The following NEGR1 variants were observed in gnomAD, a reference collection of about 807,000 sequenced individuals.
NEGR1 encodes the protein IgLON family member 4.
NEGR1 carries 10 observed loss-of-function variants against 40.9 expected under a neutral mutation model. That is an observed-to-expected ratio of 0.24 (90% CI 0.15 to 0.42). The LOEUF is 0.42. NEGR1 is among the 10% of genes least tolerant of loss of function. The pLI is 1.00. For synonymous variants in NEGR1, 185 were observed against 166.8 expected, an observed-to-expected ratio of 1.11 and a Z score of -0.84; for missense variants, 352 against 438.9, an observed-to-expected ratio of 0.80 and a Z score of 1.77.
intron 2 of NEGR1, among the ~76,000 whole-genome samples, chr1:71,914,116 G>T (rs553157780): frequency 1.3e-5 from 2 of 152,300 alleles, no homozygotes; most frequent in South Asian, 4.1e-4. Flanking sequence ...ATGATTCTGA[G>T]ACGCCAATCC....
chr1:71,545,802 C>G (rs923099509), intron 6 of NEGR1, among the ~76,000 whole-genome samples: 1 of 151,600 alleles, frequency 6.6e-6, no homozygotes, highest in Non-Finnish European at 1.5e-5. Context: ...AGAACTCTAG[C>G]GTTGGTGAGG....
intron 1 of NEGR1, among the ~76,000 whole-genome samples, chr1:71,939,488 CA>C (rs1645940196): frequency 6.6e-6 from 1 of 152,002 alleles, no homozygotes. Context: ...TAAAGTGTAT[CA>C]AAATTCCCAA....
At chr1:71,639,483 C>T (rs953613485) in intron 4 of NEGR1, among the ~76,000 whole-genome samples, 1 of 151,994 alleles carries the variant, frequency 6.6e-6, no homozygotes. Flanking sequence ...GTGTTTCAGG[C>T]AGCTTGTGGG....
At chr1:71,632,595 T>G (rs2101565798) in intron 4 of NEGR1, among the ~76,000 whole-genome samples, 1 of 151,666 alleles carries the variant, frequency 6.6e-6, no homozygotes, top group Non-Finnish European at 1.5e-5. Context: ...GAATATTGAT[T>G]GATATAGCAT....
chr1:72,192,343 A>G (rs1420084675), intron 1 of NEGR1, among the ~76,000 whole-genome samples: 1 of 151,844 alleles, frequency 6.6e-6, no homozygotes, highest in African/African-American at 2.4e-5. Context: ...CTATGGCAAA[A>G]AGGCACTGCT....
At chr1:71,410,872 T>C (rs371315247) in intron 6 of NEGR1, among the ~76,000 whole-genome samples, 2 of 152,144 alleles carry the variant, frequency 1.3e-5, no homozygotes, top group Non-Finnish European at 2.9e-5. Context: ...CTTAAGAAAA[T>C]AGCTGTTAGC....
At chr1:71,623,426 A>C (rs747037130) in intron 4 of NEGR1, among the ~76,000 whole-genome samples, 1 of 151,950 alleles carries the variant, frequency 6.6e-6, no homozygotes, top group Non-Finnish European at 1.5e-5. Flanking sequence ...ATATGGTTCA[A>C]AGACTAAGGC....
intron 4 of NEGR1, among the ~76,000 whole-genome samples, chr1:71,647,730 A>G (rs903677939): frequency 4.6e-5 from 7 of 151,954 alleles, no homozygotes; most frequent in Admixed American, 3.3e-4. Context: ...TAATGTCACT[A>G]TTTGCAGCTA....
intron 1 of NEGR1, among the ~76,000 whole-genome samples, chr1:72,156,507 TG>T (rs1177738788): frequency 3.3e-5 from 5 of 152,192 alleles, no homozygotes; most frequent in Non-Finnish European, 7.3e-5. Flanking sequence ...AGTGAGAGAT[TG>T]ACTTTTGTTG....
intron 1 of NEGR1, among the ~76,000 whole-genome samples, chr1:72,100,455 C>T (rs1177522573): frequency 6.6e-6 from 1 of 152,102 alleles, no homozygotes; most frequent in East Asian, 1.9e-4. Context: ...TGTATTTATT[C>T]AGTGTATTAG....
At chr1:71,536,925 G>GT (rs1344096372) in intron 6 of NEGR1, among the ~76,000 whole-genome samples, 1 of 151,608 alleles carries the variant, frequency 6.6e-6, no homozygotes, top group Non-Finnish European at 1.5e-5. Context: ...TTTTATTACT[G>GT]AGAAAATACA....
Position 71,984,295 on chromosome 1 carries a change from T to TA in NEGR1, c.177-48985dup, listed in dbSNP as rs34961460. 6.6e-5 allele frequency among the ~76,000 whole-genome samples: 10 copies of TA among 151,072 alleles called. 1 individual carries two copies. The highest frequency in any genetic ancestry group is 3.3e-4 in the Admixed American group (5 of 15,154). On this transcript the variant is annotated intron_variant, in intron 1 of 6. Transcript: ENST00000357731. ...TCTGTTAAAATAACTTTTTTTTAAT[T>TA]AAAAAAATGATTTGTAGATACAGGG...
chr1:71,539,774 CTTAG>C (rs1172271766), intron 6 of NEGR1, among the ~76,000 whole-genome samples: 1 of 151,692 alleles, frequency 6.6e-6, no homozygotes, highest in Non-Finnish European at 1.5e-5. Context: ...AAAAAATCCT[CTTAG>C]TTAATCAAAA....
chr1:71,807,952 A>G (rs1173032257), intron 2 of NEGR1, among the ~76,000 whole-genome samples: 2 of 152,226 alleles, frequency 1.3e-5, no homozygotes, highest in Non-Finnish European at 2.9e-5. Context: ...GAAAATATCT[A>G]CTATCTAATT....
At position 71,400,734 on chromosome 1, in the gene NEGR1, T is replaced by C. The variant is rs1646241756; in HGVS notation, c.*6712A>G. On this transcript the variant is annotated 3_prime_UTR_variant, in exon 7 of 7. Coordinates refer to ENST00000357731, the MANE Select transcript of NEGR1 (RefSeq NM_173808.3). ...AGCAATGAATTTAATTCAATGGCTTTAAAAATTTTACATCTCGTCTGGGAG... is the reference window on the plus strand; with the variant it reads ...AGCAATGAATTTAATTCAATGGCTTCAAAAATTTTACATCTCGTCTGGGAG... 6.6e-6 allele frequency: 1 copy of C among 152,162 alleles called. No homozygotes were observed. The highest frequency in any genetic ancestry group is 1.9e-4 in the East Asian group (1 of 5,194). 9.4% of individuals were successfully genotyped at this position (152,162 alleles called of 1,614,324 possible). A position where few individuals can be genotyped will look rare whatever the true frequency, so the allele number is the denominator to read the frequency against.
intron 2 of NEGR1, among the ~76,000 whole-genome samples, chr1:71,815,609 A>T (rs1001123953): frequency 6.6e-6 from 1 of 152,030 alleles, no homozygotes; most frequent in Non-Finnish European, 1.5e-5. Flanking sequence ...GTGCATATAT[A>T]TTTAGGTTAC....
intron 1 of NEGR1, among the ~76,000 whole-genome samples, chr1:72,025,650 A>G (rs1478211568): frequency 2.0e-5 from 3 of 152,214 alleles, no homozygotes; most frequent in Non-Finnish European, 4.4e-5. Flanking sequence ...AAAATAAAGC[A>G]GAGTTTTAAT....
intron 1 of NEGR1, among the ~76,000 whole-genome samples, chr1:71,968,603 T>G (rs1379011452): frequency 1.3e-5 from 2 of 152,186 alleles, no homozygotes; most frequent in Non-Finnish European, 2.9e-5. Context: ...GGAAGAGAGA[T>G]TTAACATATT....
chr1:71,565,368 C>A (rs1321149595), intron 6 of NEGR1, among the ~76,000 whole-genome samples: 1 of 152,156 alleles, frequency 6.6e-6, no homozygotes, highest in African/African-American at 2.4e-5. Flanking sequence ...TAGTTTAAGC[C>A]TGGCTAAGAC....
Sources: allele counts gnomAD v4.1 joint callset (sites outside exome capture counted in the v4.1 genomes callset), GRCh38; gene constraint gnomAD v4.1.1; transcripts MANE v1.5; gene names NCBI Gene and HGNC (gene_info 2026-07-23, HGNC 2026-07-21).